The following ARHGAP6 variants were observed in gnomAD, a reference collection of about 807,000 sequenced individuals.
ARHGAP6 encodes rho GTPase-activating protein 6.
A neutral mutation model predicts 55.7 loss-of-function variants in ARHGAP6; 16 were observed. The observed-to-expected ratio is 0.29, with a 90% confidence interval of 0.19 to 0.44. The LOEUF is 0.44. ARHGAP6 is among the 20% of genes least tolerant of loss of function. ARHGAP6 has a pLI of 1.00. For synonymous variants in ARHGAP6, 382 were observed against 360.9 expected (o/e 1.06, Z -0.66); for missense variants, 698 against 808.9 (o/e 0.86, Z 1.66).
At chrX:11,542,368 G>A (rs995130446) in intron 1 of ARHGAP6, among the ~76,000 whole-genome samples, 1 of 110,991 alleles carries the variant, frequency 9.0e-6, no homozygotes, top group African/African-American at 3.3e-5. Flanking sequence ...CAGCTACTCC[G>A]GAGGCTGAGG....
chrX:11,178,167 C>T lies in ARHGAP6; in HGVS notation c.1562G>A (p.Arg521His), dbSNP rs375940153. ...CACGATGGAGAGGAACTGTAGCAGG[C>T]GGTGGAGGGTGTCGCAGTTGCAGGG... ...LPPCNCDTLH[R>H]LLQFLSIVAR... Residue 521 changes from arginine (R) to histidine (H), a missense_variant, in exon 8 of 13, where the codon CGC becomes CAC. By Grantham distance (29) the Arg-to-His change is conservative. Transcript: ENST00000337414. 1.1e-5 allele frequency: 13 copies of T among 1,209,231 alleles called. No homozygotes were observed. Among genetic ancestry groups the T allele is most frequent in the African/African-American group, 7.0e-5 (4 of 56,949 alleles).
chrX:11,453,698 T>C (rs1443805425), intron 1 of ARHGAP6, among the ~76,000 whole-genome samples: 1 of 111,702 alleles, frequency 9.0e-6, no homozygotes, highest in Non-Finnish European at 1.9e-5. Flanking sequence ...TGAAGGTATA[T>C]TGTTGCTCAG....
At chrX:11,495,983 C>A (rs888363088) in intron 1 of ARHGAP6, among the ~76,000 whole-genome samples, 18 of 111,941 alleles carry the variant, frequency 1.6e-4, no homozygotes, top group Admixed American at 1.0e-3. Flanking sequence ...AGTCAAATGG[C>A]CTTTAAGGAG....
intron 1 of ARHGAP6, among the ~76,000 whole-genome samples, chrX:11,496,888 C>T (rs901151682): frequency 1.8e-5 from 2 of 112,273 alleles, no homozygotes; most frequent in Admixed American, 9.5e-5. Flanking sequence ...CATAAATCCT[C>T]CTGCCCCTTA....
intron 1 of ARHGAP6, among the ~76,000 whole-genome samples, chrX:11,614,207 A>C (rs919708368): frequency 5.4e-5 from 6 of 111,849 alleles, no homozygotes; most frequent in Non-Finnish European, 1.9e-5. Flanking sequence ...CTCTTACTCC[A>C]GCCTTCTCCC....
At chrX:11,563,256 GAAGA>G (rs1290208812) in intron 1 of ARHGAP6, among the ~76,000 whole-genome samples, 3 of 111,358 alleles carry the variant, frequency 2.7e-5, no homozygotes, top group Non-Finnish European at 3.8e-5. Flanking sequence ...AAAATTCCTT[GAAGA>G]AATTATTTAC....
At chrX:11,153,841 T>G (rs1188224761) in intron 10 of ARHGAP6, among the ~76,000 whole-genome samples, 1 of 110,914 alleles carries the variant, frequency 9.0e-6, no homozygotes, top group Non-Finnish European at 1.9e-5. Context: ...ACTTTAAGTT[T>G]TAGGGTACAT....
At chrX:11,237,933 G>C (rs887286653) in intron 2 of ARHGAP6, among the ~76,000 whole-genome samples, 1 of 111,534 alleles carries the variant, frequency 9.0e-6, no homozygotes, top group Non-Finnish European at 1.9e-5. Flanking sequence ...TGCTTCGTAG[G>C]ATGTTTAGCA....
At chrX:11,581,181 G>A (rs2051662001) in intron 1 of ARHGAP6, among the ~76,000 whole-genome samples, 1 of 112,139 alleles carries the variant, frequency 8.9e-6, no homozygotes, top group African/African-American at 3.2e-5. Flanking sequence ...ACAAAAAGAT[G>A]GTCTACATCA....
At chrX:11,392,024 T>C (rs566379556) in intron 1 of ARHGAP6, among the ~76,000 whole-genome samples, 59 of 111,990 alleles carry the variant, frequency 5.3e-4, no homozygotes, top group African/African-American at 1.8e-3. Context: ...AGAAGTAAAA[T>C]AGAAAAAGAA....
chrX:11,434,981 C>A (rs1414359010), intron 1 of ARHGAP6, among the ~76,000 whole-genome samples: 2 of 112,095 alleles, frequency 1.8e-5, no homozygotes, highest in Admixed American at 9.5e-5. Context: ...TGATTATTTT[C>A]TTTGGGGACC....
intron 3 of ARHGAP6, among the ~76,000 whole-genome samples, chrX:11,195,819 T>TAA (rs201051063): frequency 1.9e-5 from 2 of 105,739 alleles, no homozygotes; most frequent in African/African-American, 3.4e-5. Context: ...AAACAAGAGT[T>TAA]AAAAAAAAAT....
At chrX:11,174,627 C>CTTTCT (rs1254488692) in intron 8 of ARHGAP6, among the ~76,000 whole-genome samples, 26 of 10,693 alleles carry the variant, frequency 2.4e-3, no homozygotes, top group Non-Finnish European at 2.6e-3. Flanking sequence ...TCTTTCTTTT[C>CTTTCT]TTTCTTTCTT....
chrX:11,609,778 C>G (rs2052080436), intron 1 of ARHGAP6, among the ~76,000 whole-genome samples: 1 of 111,926 alleles, frequency 8.9e-6, no homozygotes, highest in Non-Finnish European at 1.9e-5. Context: ...TATGAAGTGT[C>G]TGGTTCATAA....
chrX:11,523,835 C>T (rs188795616), intron 1 of ARHGAP6, among the ~76,000 whole-genome samples: 6 of 111,195 alleles, frequency 5.4e-5, no homozygotes, highest in East Asian at 5.6e-4. Flanking sequence ...GAAACAACCA[C>T]GGTACTCAAG....
chrX:11,656,474 G>T (rs1463965416), intron 1 of ARHGAP6, among the ~76,000 whole-genome samples: 1 of 112,306 alleles, frequency 8.9e-6, no homozygotes, highest in Admixed American at 9.4e-5. Context: ...CTAGGATCAA[G>T]ATGTCAGTAG....
Position 11,254,660 on chromosome X carries a change from C to T in ARHGAP6, c.636G>A (p.Arg212=), listed in dbSNP as rs754914071. The T allele has an allele frequency of 2.9e-5, 35 of 1,202,409 alleles. No homozygotes were observed. The highest frequency in any genetic ancestry group is 3.7e-5 in the Non-Finnish European group (33 of 892,842). The change falls in exon 2 of 13, where the codon AGG becomes AGA. Residue 212 remains arginine, a synonymous_variant. Transcript: ENST00000337414. Reference sequence around the variant, plus strand: ...CTGAGAGACTCTGGATGGGGACTGACCTCAGCCGTACACTGCGGCCTGACA... The same window carrying T: ...CTGAGAGACTCTGGATGGGGACTGATCTCAGCCGTACACTGCGGCCTGACA... ...NSMSGRSVRL[R]SVPIQSLSEL... is the part of the protein sequence containing the mutation.
At chrX:11,480,128 T>C (rs750783199) in intron 1 of ARHGAP6, among the ~76,000 whole-genome samples, 3 of 111,965 alleles carry the variant, frequency 2.7e-5, no homozygotes, top group Non-Finnish European at 5.6e-5. Context: ...GTTTTGCCTA[T>C]CCACACAAAA....
chrX:11,520,131 T>TTATATATATATATATATATATTTA (rs2050898949), intron 1 of ARHGAP6, among the ~76,000 whole-genome samples: 2 of 18,250 alleles, frequency 1.1e-4, no homozygotes, highest in Non-Finnish European at 2.0e-4. Context: ...AGAATTGATT[T>TTATATATATATATATATATATTTA]TATATATATA....
Sources: allele counts gnomAD v4.1 joint callset (sites outside exome capture counted in the v4.1 genomes callset), GRCh38; gene constraint gnomAD v4.1.1; transcripts MANE v1.5; gene names NCBI Gene and HGNC (gene_info 2026-07-23, HGNC 2026-07-21).